NIT2: variants seen among roughly 807,000 people sequenced by gnomAD.
NIT2 encodes the protein nitrilase family member 2.
A neutral mutation model predicts 42.7 loss-of-function variants in NIT2; 46 were observed. The observed-to-expected ratio is 1.08, with a 90% CI of 0.85 to 1.38. The LOEUF is 1.38. Among genes scored for constraint, NIT2 ranks in the 40% most tolerant of loss-of-function variants. The pLI, the probability that NIT2 is intolerant of heterozygous loss-of-function variation, is 0.00. For missense variants in NIT2, 309 were observed against 342.5 expected, an observed-to-expected ratio of 0.90 and a Z score of 0.77; for synonymous variants, 123 against 121.9, an observed-to-expected ratio of 1.01 and a Z score of -0.06.
intron 4 of NIT2, among the ~76,000 whole-genome samples, chr3:100,342,279 T>A (rs1193721698): frequency 1.3e-5 from 2 of 152,194 alleles, no homozygotes; most frequent in African/African-American, 4.8e-5. Flanking sequence ...GTGGATCTCT[T>A]TTGTCAACAG....
At chr3:100,336,889 G>A (rs916055586) in intron 1 of NIT2, among the ~76,000 whole-genome samples, 4 of 152,150 alleles carry the variant, frequency 2.6e-5, no homozygotes, top group Admixed American at 6.5e-5. Context: ...GTGTCGGGCT[G>A]GGGGACGGTC....
At chr3:100,345,731 GTATT>G in intron 5 of NIT2, 53 bp downstream of exon 5, 2 of 1,125,934 alleles carry the variant, frequency 1.8e-6, no homozygotes, top group Non-Finnish European at 2.7e-6. Context: ...AGACAATCAG[GTATT>G]TATTTCTTTT....
chr3:100,355,263 C>G lies in NIT2; in HGVS notation c.826C>G (p.Pro276Ala). 1 of 1,611,372 alleles carries G rather than the reference C, an allele frequency of 6.2e-7. No homozygotes were observed. Among genetic ancestry groups the G allele is most frequent in the Non-Finnish European group, 8.5e-7 (1 of 1,177,688 alleles). The change falls in exon 10 of 10, where the codon CCC (proline) becomes GCC (alanine). Residue 276 changes from proline (P) to alanine (A), a missense_variant. Physicochemically the swap from Pro to Ala is conservative, Grantham distance 27 (BLOSUM62 -1). Transcript: ENST00000394140. ...SDLYAVEMKK[P>A] ...CCTCTATGCTGTGGAGATGAAAAAG[C>G]CCTAAAGTTTATGTTTCTAATGTGT...
rs1001738236 is a variant in NIT2 at position 100,359,561 on chromosome 3, T to C, written c.*4293T>C. ...AAAGACCGATTTGTAGACCTGTCCA[T>C]GTGGCCTCTCTCAACACCATTGGTG... is the stretch of plus-strand genomic sequence containing the variant. On this transcript the variant is annotated 3_prime_UTR_variant, in exon 10 of 10. Coordinates refer to ENST00000394140, the MANE Select transcript of NIT2 (RefSeq NM_020202.5). 2.6e-5 allele frequency: 4 copies of C among 152,154 alleles called. No homozygotes were observed. Among genetic ancestry groups the C allele is most frequent in the Middle Eastern group, 3.4e-3 (1 of 294 alleles). 9.4% of individuals were successfully genotyped at this position (152,154 alleles called of 1,614,324 possible). A position where few individuals can be genotyped will look rare whatever the true frequency, so the allele number is the denominator to read the frequency against.
chr3:100,353,813 G>A (rs1461857295), intron 8 of NIT2, among the ~76,000 whole-genome samples: 14 of 144,120 alleles, frequency 9.7e-5, no homozygotes, highest in South Asian at 4.3e-4. Flanking sequence ...TCACTCTGTC[G>A]CCCAGGCTGG....
intron 3 of NIT2, 145 bp downstream of exon 3, chr3:100,340,080 AT>A (rs933657100): frequency 2.4e-4 from 153 of 636,918 alleles, no homozygotes; most frequent in Middle Eastern, 1.4e-3. Flanking sequence ...TTATTTATTT[AT>A]TTTTTTTGAG....
rs917521280 is a variant in NIT2, at chr3:100,360,545, G to T, written c.*5277G>T. 6.6e-6 allele frequency: 1 copy of T among 152,156 alleles called. No individual in the cohort carries two copies. Among genetic ancestry groups the T allele is most frequent in the Non-Finnish European group, 1.5e-5 (1 of 68,054 alleles). The allele number at this position is 152,156 out of a possible 1,614,324, so 9.4% of individuals were successfully genotyped here. Reference sequence around the variant, plus strand: ...TACAGTGAGCCAAGATCACACCACTGTACTCCTGGGCAACAGAGTTAAACT... The same window carrying T: ...TACAGTGAGCCAAGATCACACCACTTTACTCCTGGGCAACAGAGTTAAACT... On this transcript the variant is annotated 3_prime_UTR_variant, in exon 10 of 10. Coordinates refer to ENST00000394140, the MANE Select transcript of NIT2 (RefSeq NM_020202.5).
At chr3:100,337,979 G>A (rs1228643164) in intron 1 of NIT2, among the ~76,000 whole-genome samples, 1 of 152,176 alleles carries the variant, frequency 6.6e-6, no homozygotes, top group African/African-American at 2.4e-5. Context: ...GCTGAGACAA[G>A]AGGATTGCCT....
Position 100,341,148 on chromosome 3 carries a change from C to G in NIT2, c.323C>G (p.Ala108Gly). 1.9e-6 allele frequency: 3 copies of G among 1,610,454 alleles called. No individual in the cohort carries two copies. The highest frequency in any genetic ancestry group is 2.5e-6 in the Non-Finnish European group (3 of 1,176,732). Residue 108 changes from alanine to glycine, a missense_variant, in exon 4 of 10, where the codon GCA (alanine) becomes GGA (glycine). Ala to Gly is a moderately conservative substitution (Grantham distance 60). Coordinates refer to ENST00000394140, the MANE Select transcript of NIT2 (RefSeq NM_020202.5). ...TTTGGGCCTGATGGAACTTTACTAG[C>G]AAAGTATAGAAAGGTAAGTAGGAAG... ...AVFGPDGTLL[A>G]KYRKIHLFDI...
rs1706250306 is a variant in NIT2 at position 100,349,184 on chromosome 3, G to T, written c.584+303G>T. 3 of 197,574 alleles carry T rather than the reference G, an allele frequency of 1.5e-5. No homozygotes were observed. In the South Asian group the frequency reaches 2.7e-4, roughly 18 times the overall value. The allele number at this position is 197,574 out of a possible 1,614,324, so 12.2% of individuals were successfully genotyped here. A position where few individuals can be genotyped will look rare whatever the true frequency, so the allele number is the denominator to read the frequency against. Reference sequence around the variant, plus strand: ...GCTGGAGTGCAGTGGTGTAATCATAGCTCATTACAGCCTTGAAATCCTGGG... The same window carrying T: ...GCTGGAGTGCAGTGGTGTAATCATATCTCATTACAGCCTTGAAATCCTGGG... On this transcript the variant is annotated intron_variant, in intron 7 of 9. Coordinates refer to ENST00000394140, the MANE Select transcript of NIT2 (RefSeq NM_020202.5).
intron 9 of NIT2, 54 bp downstream of exon 9, chr3:100,354,881 C>G (rs57703319): frequency 0.068 from 98,740 of 1,447,520 alleles, 4,689 homozygotes; most frequent in African/African-American, 0.21. Context: ...TGTTCTGAGG[C>G]CAGACTCCAT....
intron 6 of NIT2, among the ~76,000 whole-genome samples, chr3:100,348,009 G>T (rs1031756987): frequency 6.6e-6 from 1 of 152,074 alleles, no homozygotes; most frequent in African/African-American, 2.4e-5. Context: ...TCCTGCCTCA[G>T]CCTCCCCAGT....
intron 1 of NIT2, among the ~76,000 whole-genome samples, chr3:100,337,215 A>G (rs1706087797): frequency 6.6e-6 from 1 of 152,216 alleles, no homozygotes; most frequent in African/African-American, 2.4e-5. Context: ...GTAGTACAGA[A>G]CAAAATGGAG....
intron 1 of NIT2, among the ~76,000 whole-genome samples, chr3:100,335,264 G>T (rs1471196332): frequency 6.6e-6 from 1 of 152,194 alleles, no homozygotes; most frequent in Non-Finnish European, 1.5e-5. Flanking sequence ...ACTTTGTTCA[G>T]TGACTTTGTG....
chr3:100,341,399 C>T (rs758467624), intron 4 of NIT2, among the ~76,000 whole-genome samples: 4 of 152,038 alleles, frequency 2.6e-5, no homozygotes, highest in Non-Finnish European at 5.9e-5. Context: ...GACAGAATCT[C>T]GCTCTGTCAC....
intron 4 of NIT2, among the ~76,000 whole-genome samples, chr3:100,342,044 C>CA (rs954094182): frequency 1.5e-3 from 212 of 145,780 alleles, no homozygotes; most frequent in Middle Eastern, 0.011. Flanking sequence ...GACTCCATCT[C>CA]AAAAAAAAAA....
intron 2 of NIT2, 113 bp downstream of exon 2, chr3:100,339,318 C>T (rs1170654164): frequency 1.6e-5 from 12 of 751,476 alleles, no homozygotes; most frequent in Non-Finnish European, 2.4e-5. Context: ...CCCTTGGAGC[C>T]CATAGATTGT....
At chr3:100,349,508 G>A (rs935642559) in intron 7 of NIT2, 2 of 152,212 alleles carry the variant, frequency 1.3e-5, no homozygotes, top group Non-Finnish European at 2.9e-5. Context: ...TCTTAAGTCA[G>A]TTCCAGCAAC....
chr3:100,359,459 T>G lies in NIT2; in HGVS notation c.*4191T>G, dbSNP rs1706354652. Reference sequence around the variant, plus strand: ...TTTTTTTTCACCCAATTTCTTAGTTTCTTTCAATTGCTTTTCAGACCCCGG... The same window carrying G: ...TTTTTTTTCACCCAATTTCTTAGTTGCTTTCAATTGCTTTTCAGACCCCGG... On this transcript the variant is annotated 3_prime_UTR_variant, in exon 10 of 10. Transcript: ENST00000394140. 1 of 152,224 alleles carries G rather than the reference T, an allele frequency of 6.6e-6. No homozygotes were observed. The highest frequency in any genetic ancestry group is 2.4e-5 in the African/African-American group (1 of 41,452). 9.4% of individuals were successfully genotyped at this position (152,224 alleles called of 1,614,324 possible).
Sources: allele counts gnomAD v4.1 joint callset (sites outside exome capture counted in the v4.1 genomes callset), GRCh38; gene constraint gnomAD v4.1.1; transcripts MANE v1.5; gene names NCBI Gene and HGNC (gene_info 2026-07-23, HGNC 2026-07-21).